LINGO2: variants seen among roughly 807,000 people sequenced by gnomAD.
The protein encoded by LINGO2 is leucine rich repeat and Ig domain containing 2.
A neutral mutation model predicts 30.6 loss-of-function variants in LINGO2; 14 were observed. That is an observed-to-expected ratio of 0.46 (90% confidence interval 0.30 to 0.72). The LOEUF (loss-of-function observed/expected upper bound fraction) is 0.72. Among genes scored for constraint, LINGO2 ranks in the 30% least tolerant of loss-of-function variants. LINGO2 has a pLI of 0.07. For missense variants in LINGO2, 729 were observed against 751.7 expected (o/e 0.97, Z 0.35); for synonymous variants, 317 against 288.5 (o/e 1.10, Z -1.00).
the LINGO2 span, among the ~76,000 whole-genome samples, chr9:28,893,660 A>G: frequency 6.6e-6 from 1 of 151,994 alleles, no homozygotes. Flanking sequence ...AATATAATTG[A>G]ACATGCATTA....
At chr9:28,000,344 C>T (rs1821885305) in intron 5 of LINGO2, among the ~76,000 whole-genome samples, 2 of 151,840 alleles carry the variant, frequency 1.3e-5, no homozygotes, top group African/African-American at 2.4e-5. Flanking sequence ...CATCACAGAG[C>T]CACAGAGTGG....
chr9:28,335,419 T>G (rs933953127), intron 3 of LINGO2, among the ~76,000 whole-genome samples: 3 of 152,190 alleles, frequency 2.0e-5, no homozygotes, highest in Admixed American at 2.0e-4. Flanking sequence ...CTGTTACATG[T>G]GAAAAACATA....
Position 28,652,778 on chromosome 9 carries a change from A to G in LINGO2, c.-365+17422T>C, listed in dbSNP as rs79273421. ...CATCCATGTATGGTGGAGGAAGGAAAGAAGAAAGACAGGAAGAAAATGGTT... is the reference window on the plus strand; with the variant it reads ...CATCCATGTATGGTGGAGGAAGGAAGGAAGAAAGACAGGAAGAAAATGGTT... On this transcript the variant is annotated intron_variant, in intron 1 of 5. Transcript: ENST00000379992. Among the ~76,000 whole-genome samples the G allele has an allele frequency of 9.3e-3, 1,410 of 152,162 alleles. 21 individuals carry two copies. Among genetic ancestry groups the G allele is most frequent in the African/African-American group, 0.033 (1,357 of 41,538 alleles).
At chr9:28,641,887 G>T (rs1588012109) in intron 1 of LINGO2, among the ~76,000 whole-genome samples, 1 of 152,140 alleles carries the variant, frequency 6.6e-6, no homozygotes, top group Non-Finnish European at 1.5e-5. Context: ...TCCTGGAGGG[G>T]CTGTGGAGAT....
chr9:28,512,132 A>G (rs1820412099), intron 1 of LINGO2, among the ~76,000 whole-genome samples: 1 of 152,000 alleles, frequency 6.6e-6, no homozygotes, highest in Admixed American at 6.6e-5. Flanking sequence ...CATATGTAGC[A>G]CTTCCATTTG....
At chr9:28,783,334 T>C in the LINGO2 span, among the ~76,000 whole-genome samples, 2 of 152,312 alleles carry the variant, frequency 1.3e-5, no homozygotes, top group Admixed American at 1.3e-4. Context: ...ATATAATCTC[T>C]AGATTACTTA....
chr9:28,717,114 A>C, the LINGO2 span, among the ~76,000 whole-genome samples: 5,072 of 152,050 alleles, frequency 0.033, 289 homozygotes, highest in African/African-American at 0.12. Context: ...AGGCTCTGTC[A>C]AGTTCACAGA....
intron 4 of LINGO2, among the ~76,000 whole-genome samples, chr9:28,090,717 C>G (rs149612700): frequency 0.088 from 13,310 of 151,988 alleles, 823 homozygotes; most frequent in Middle Eastern, 0.18. Flanking sequence ...CTGGCCAGGG[C>G]AATTAGGGAG....
At chr9:29,158,446 G>A in the LINGO2 span, among the ~76,000 whole-genome samples, 1 of 152,150 alleles carries the variant, frequency 6.6e-6, no homozygotes, top group Non-Finnish European at 1.5e-5. Flanking sequence ...ATGAGAACAA[G>A]CAACTGAAAA....
At chr9:28,220,329 A>AT (rs1166302343) in intron 4 of LINGO2, among the ~76,000 whole-genome samples, 1 of 152,144 alleles carries the variant, frequency 6.6e-6, no homozygotes, top group African/African-American at 2.4e-5. Context: ...AAAAAGTATA[A>AT]TACTGGCTTT....
At chr9:28,801,208 T>G in the LINGO2 span, among the ~76,000 whole-genome samples, 2 of 152,002 alleles carry the variant, frequency 1.3e-5, no homozygotes, top group Admixed American at 1.3e-4. Flanking sequence ...TGGTGAGGCT[T>G]AGAGATTTAT....
intron 2 of LINGO2, among the ~76,000 whole-genome samples, chr9:28,437,561 ACACACACACACACACAGACGCG>A (rs1823998983): frequency 1.3e-5 from 2 of 148,946 alleles, no homozygotes; most frequent in South Asian, 4.2e-4. Context: ...ACACACACAC[ACACACACACACACACAGACGCG>A]CACACACACC....
the LINGO2 span, among the ~76,000 whole-genome samples, chr9:29,084,720 A>G: frequency 6.6e-6 from 1 of 151,948 alleles, no homozygotes; most frequent in African/African-American, 2.4e-5. Context: ...TCCGCTTTTA[A>G]GAGCTGTTCT....
chr9:27,977,175 T>C (rs1820640155), intron 5 of LINGO2, among the ~76,000 whole-genome samples: 2 of 151,664 alleles, frequency 1.3e-5, no homozygotes, highest in Admixed American at 1.3e-4. Flanking sequence ...TTTTTTTCCA[T>C]TTTCAAAGAG....
At chr9:28,736,516 C>T in the LINGO2 span, among the ~76,000 whole-genome samples, 7 of 152,136 alleles carry the variant, frequency 4.6e-5, no homozygotes, top group East Asian at 1.9e-4. Flanking sequence ...GTAGGCCGGG[C>T]GTGGTGGGTC....
chr9:28,381,248 C>A (rs1358522293), intron 2 of LINGO2, among the ~76,000 whole-genome samples: 1 of 151,822 alleles, frequency 6.6e-6, no homozygotes, highest in East Asian at 1.9e-4. Context: ...AAAACAAAAA[C>A]AATTGCAGAC....
At chr9:28,190,735 T>A (rs1272731244) in intron 4 of LINGO2, among the ~76,000 whole-genome samples, 1 of 152,188 alleles carries the variant, frequency 6.6e-6, no homozygotes, top group Non-Finnish European at 1.5e-5. Context: ...GGACATTCTT[T>A]GTGGTTTTCT....
chr9:29,110,435 C>T, the LINGO2 span, among the ~76,000 whole-genome samples: 1 of 151,776 alleles, frequency 6.6e-6, no homozygotes, highest in Non-Finnish European at 1.5e-5. Context: ...CGAGTTCACG[C>T]CATTCTCCTG....
intron 1 of LINGO2, among the ~76,000 whole-genome samples, chr9:28,595,942 T>C (rs774118093): frequency 5.3e-5 from 8 of 152,146 alleles, no homozygotes; most frequent in East Asian, 1.9e-4. Flanking sequence ...GTAAAACACA[T>C]TGCTTTTTTA....
Sources: allele counts gnomAD v4.1 joint callset (sites outside exome capture counted in the v4.1 genomes callset), GRCh38; gene constraint gnomAD v4.1.1; transcripts MANE v1.5; gene names NCBI Gene and HGNC (gene_info 2026-07-23, HGNC 2026-07-21).